KCND3: variants seen among roughly 807,000 people sequenced by gnomAD.
KCND3 encodes A-type voltage-gated potassium channel KCND3.
KCND3 carries 9 observed loss-of-function variants against 51.1 expected under a neutral mutation model. The observed-to-expected ratio is 0.18, with a 90% CI of 0.11 to 0.31. The LOEUF is 0.31. Ranked by LOEUF, KCND3 falls within the 10% of genes least tolerant of loss-of-function variation. The probability of loss-of-function intolerance (pLI) is 1.00; values close to 1 mark genes in which losing one functional copy is unlikely to be tolerated. For synonymous variants in KCND3, 349 were observed against 368.0 expected (o/e 0.95, Z 0.59); for missense variants, 526 against 903.8 (o/e 0.58, Z 5.36).
At chr1:111,956,678 C>T (rs1427340460) in intron 2 of KCND3, among the ~76,000 whole-genome samples, 1 of 152,200 alleles carries the variant, frequency 6.6e-6, no homozygotes, top group Non-Finnish European at 1.5e-5. Flanking sequence ...ACTTCCACAG[C>T]TCCTTCCAGG....
chr1:111,946,081 T>C (rs1483943864), intron 2 of KCND3, among the ~76,000 whole-genome samples: 1 of 152,216 alleles, frequency 6.6e-6, no homozygotes, highest in Non-Finnish European at 1.5e-5. Flanking sequence ...GCTTGGCACA[T>C]AGTAGGTACT....
intron 2 of KCND3, among the ~76,000 whole-genome samples, chr1:111,970,904 C>T (rs1329142600): frequency 6.6e-6 from 1 of 152,162 alleles, no homozygotes; most frequent in Non-Finnish European, 1.5e-5. Flanking sequence ...CATCACTTCC[C>T]CTAGTTTCTT....
chr1:111,974,424 G>A (rs1053015721), intron 2 of KCND3, among the ~76,000 whole-genome samples: 2 of 152,072 alleles, frequency 1.3e-5, no homozygotes, highest in African/African-American at 4.8e-5. Context: ...TAAGGTATGA[G>A]TATTTGGTAG....
intron 2 of KCND3, among the ~76,000 whole-genome samples, chr1:111,916,884 A>G (rs916100136): frequency 1.3e-5 from 2 of 152,226 alleles, no homozygotes; most frequent in African/African-American, 4.8e-5. Flanking sequence ...CCCTATATCT[A>G]TTAAATAAAT....
intron 2 of KCND3, among the ~76,000 whole-genome samples, chr1:111,833,015 T>A (rs1666911829): frequency 6.6e-6 from 1 of 152,260 alleles, no homozygotes; most frequent in African/African-American, 2.4e-5. Flanking sequence ...GACCATACAC[T>A]GGCAGTGTTG....
chr1:111,966,781 G>C (rs1251643891), intron 2 of KCND3, among the ~76,000 whole-genome samples: 1 of 152,180 alleles, frequency 6.6e-6, no homozygotes, highest in East Asian at 1.9e-4. Flanking sequence ...AAGTAGATTT[G>C]AGTTCAACAC....
At chr1:111,793,488 C>T (rs751705058) in intron 2 of KCND3, among the ~76,000 whole-genome samples, 11 of 152,182 alleles carry the variant, frequency 7.2e-5, no homozygotes, top group Non-Finnish European at 1.5e-4. Flanking sequence ...GAAGCATATT[C>T]TTAAAATGCA....
chr1:111,940,073 GTTT>G (rs61088602), intron 2 of KCND3, among the ~76,000 whole-genome samples: 80 of 85,458 alleles, frequency 9.4e-4, no homozygotes, highest in Admixed American at 1.1e-3. Flanking sequence ...CTTTTTGATG[GTTT>G]TTTTTTTTTT....
At chr1:111,902,787 TG>T (rs968441783) in intron 2 of KCND3, among the ~76,000 whole-genome samples, 3 of 152,236 alleles carry the variant, frequency 2.0e-5, no homozygotes, top group African/African-American at 7.2e-5. Context: ...GTGATGCACT[TG>T]GTGTCAAGTA....
intron 2 of KCND3, among the ~76,000 whole-genome samples, chr1:111,828,106 T>C (rs1357834369): frequency 6.6e-6 from 1 of 152,218 alleles, no homozygotes; most frequent in African/African-American, 2.4e-5. Context: ...CTTGCCGCTC[T>C]GCCCCAAGCA....
chr1:111,980,329 A>G (rs1674880805), intron 2 of KCND3, among the ~76,000 whole-genome samples: 1 of 151,978 alleles, frequency 6.6e-6, no homozygotes, highest in Admixed American at 6.6e-5. Flanking sequence ...TCACAAATGG[A>G]TGGTGACACC....
chr1:111,869,852 T>C (rs1668752598), intron 2 of KCND3, among the ~76,000 whole-genome samples: 1 of 152,214 alleles, frequency 6.6e-6, no homozygotes, highest in Non-Finnish European at 1.5e-5. Context: ...TTGGGATTCA[T>C]ACCTGGTAAA....
At chr1:111,818,884 C>T (rs1291241434) in intron 2 of KCND3, among the ~76,000 whole-genome samples, 1 of 152,220 alleles carries the variant, frequency 6.6e-6, no homozygotes, top group African/African-American at 2.4e-5. Context: ...AAACATTACA[C>T]TTTTGTCCCG....
At chr1:111,829,875 G>A (rs1431415132) in intron 2 of KCND3, among the ~76,000 whole-genome samples, 1 of 152,150 alleles carries the variant, frequency 6.6e-6, no homozygotes, top group Non-Finnish European at 1.5e-5. Context: ...GGTGGAAGCT[G>A]GGCATCACCT....
intron 2 of KCND3, among the ~76,000 whole-genome samples, chr1:111,899,310 T>C (rs956766806): frequency 2.6e-5 from 4 of 152,254 alleles, no homozygotes; most frequent in Admixed American, 6.5e-5. Flanking sequence ...CACCCAGGTC[T>C]AGTTCATGGG....
chr1:111,846,257 T>G (rs1036140204), intron 2 of KCND3, among the ~76,000 whole-genome samples: 2 of 152,340 alleles, frequency 1.3e-5, no homozygotes, highest in Admixed American at 1.3e-4. Flanking sequence ...CTGAAATATT[T>G]GCTGTTCTCC....
At chr1:111,819,495 A>G (rs1666253073) in intron 2 of KCND3, among the ~76,000 whole-genome samples, 1 of 152,174 alleles carries the variant, frequency 6.6e-6, no homozygotes, top group Non-Finnish European at 1.5e-5. Context: ...CTAAAGTAAG[A>G]TCGAGGTGAA....
At chr1:111,946,171 G>A (rs1456167479) in intron 2 of KCND3, among the ~76,000 whole-genome samples, 3 of 152,240 alleles carry the variant, frequency 2.0e-5, no homozygotes, top group Admixed American at 2.0e-4. Context: ...TATCAAGGCT[G>A]TGGTGGGCCC....
intron 1 of KCND3, among the ~76,000 whole-genome samples, chr1:111,986,899 C>T (rs1008476512): frequency 3.3e-5 from 5 of 152,154 alleles, no homozygotes; most frequent in African/African-American, 1.2e-4. Context: ...CCTAGTTCAC[C>T]CACAGAACCC....
Sources: allele counts gnomAD v4.1 joint callset (sites outside exome capture counted in the v4.1 genomes callset), GRCh38; gene constraint gnomAD v4.1.1; transcripts MANE v1.5; gene names NCBI Gene and HGNC (gene_info 2026-07-23, HGNC 2026-07-21).